MALRD1: variants seen among roughly 807,000 people sequenced by gnomAD.
MALRD1 encodes MAM and LDL receptor class A domain containing 1.
Under a neutral mutation model 242.1 loss-of-function variants are expected in MALRD1, and 247 were observed. The observed-to-expected ratio is 1.02, with a 90% CI of 0.92 to 1.13. MALRD1 has a LOEUF of 1.13. MALRD1 is among the 50% of genes most tolerant of loss of function. MALRD1 has a pLI of 0.00. For missense variants in MALRD1, 2,989 were observed against 2,533.1 expected (o/e 1.18, Z -3.86); for synonymous variants, 995 against 866.6 (o/e 1.15, Z -2.60).
At chr10:19,196,548 T>G (rs75215399) in intron 14 of MALRD1, among the ~76,000 whole-genome samples, 13,430 of 151,574 alleles carry the variant, frequency 0.089, 731 homozygotes, top group East Asian at 0.18. Context: ...TTTTTTTTTT[T>G]TTTTCTCCTA....
chr10:19,216,114 TCTTTC>T (rs1226438915), intron 18 of MALRD1, among the ~76,000 whole-genome samples: 2 of 119,384 alleles, frequency 1.7e-5, no homozygotes, highest in Non-Finnish European at 3.8e-5. Flanking sequence ...TTTCTTTCTT[TCTTTC>T]TTTTTTTTTT....
chr10:19,692,866 A>G (rs1242917901), intron 38 of MALRD1, among the ~76,000 whole-genome samples: 2 of 30,984 alleles, frequency 6.5e-5, no homozygotes, highest in South Asian at 2.4e-3. Flanking sequence ...TATAGATGAA[A>G]TTATATATAT....
chr10:19,250,895 A>T (rs1839266322), intron 18 of MALRD1, among the ~76,000 whole-genome samples: 2 of 151,958 alleles, frequency 1.3e-5, no homozygotes, highest in South Asian at 4.1e-4. Context: ...GTAAGTAAAA[A>T]AACATGTCTG....
At chr10:19,065,047 G>A (rs1834929789) in intron 1 of MALRD1, among the ~76,000 whole-genome samples, 1 of 151,978 alleles carries the variant, frequency 6.6e-6, no homozygotes, top group African/African-American at 2.4e-5. Flanking sequence ...CAGCACTTTG[G>A]GAGGCCGAGG....
intron 29 of MALRD1, among the ~76,000 whole-genome samples, chr10:19,482,097 TATTCTCGTTTAGAA>T (rs1837020232): frequency 1.3e-5 from 2 of 152,004 alleles, no homozygotes; most frequent in Non-Finnish European, 2.9e-5. Context: ...TTATTCTTAT[TATTCTCGTTTAGAA>T]ATCACATTAA....
At chr10:19,191,865 G>T (rs1835989976) in intron 14 of MALRD1, among the ~76,000 whole-genome samples, 1 of 152,036 alleles carries the variant, frequency 6.6e-6, no homozygotes, top group Non-Finnish European at 1.5e-5. Context: ...GGGAGTGGTG[G>T]TGTGCATCTG....
intron 18 of MALRD1, among the ~76,000 whole-genome samples, chr10:19,230,430 G>T (rs368021297): frequency 7.7e-4 from 117 of 152,222 alleles, no homozygotes; most frequent in African/African-American, 2.7e-3. Flanking sequence ...GGAAGGTGAA[G>T]GGAAACCAGC....
chr10:19,325,704 A>G (rs565770651), intron 22 of MALRD1, among the ~76,000 whole-genome samples: 13 of 152,214 alleles, frequency 8.5e-5, no homozygotes, highest in African/African-American at 3.1e-4. Flanking sequence ...GCAGTTTTAG[A>G]GTAGGGCTAT....
chr10:19,440,468 A>G (rs1017233115), intron 28 of MALRD1, among the ~76,000 whole-genome samples: 2 of 151,866 alleles, frequency 1.3e-5, no homozygotes, highest in Non-Finnish European at 2.9e-5. Context: ...TACATTAGGT[A>G]TTTCTCCTAA....
chr10:19,098,401 T>G (rs1038864265), intron 4 of MALRD1, among the ~76,000 whole-genome samples: 1 of 152,290 alleles, frequency 6.6e-6, no homozygotes, highest in East Asian at 1.9e-4. Context: ...AGAATAGAAT[T>G]TATTAATAAA....
intron 32 of MALRD1, among the ~76,000 whole-genome samples, chr10:19,532,928 G>T (rs1834489612): frequency 6.6e-6 from 1 of 152,160 alleles, no homozygotes; most frequent in Admixed American, 6.5e-5. Flanking sequence ...ATTTTATCCA[G>T]TGTAATTTAT....
At chr10:19,452,686 G>T (rs1835394488) in intron 29 of MALRD1, among the ~76,000 whole-genome samples, 1 of 152,162 alleles carries the variant, frequency 6.6e-6, no homozygotes, top group Admixed American at 6.5e-5. Context: ...TTAGCTTTAT[G>T]CAGGTGAAAT....
At chr10:19,344,573 G>A (rs1323862766) in intron 24 of MALRD1, among the ~76,000 whole-genome samples, 2 of 152,008 alleles carry the variant, frequency 1.3e-5, no homozygotes, top group African/African-American at 4.8e-5. Context: ...CTTGAAATCA[G>A]TTAGATTAAT....
chr10:19,486,742 A>T (rs1254567071), intron 29 of MALRD1, among the ~76,000 whole-genome samples: 1 of 152,164 alleles, frequency 6.6e-6, no homozygotes, highest in African/African-American at 2.4e-5. Context: ...CATAAATATT[A>T]TCTATATAAT....
intron 36 of MALRD1, among the ~76,000 whole-genome samples, chr10:19,655,125 T>G (rs1041461118): frequency 6.6e-6 from 1 of 152,214 alleles, no homozygotes; most frequent in Admixed American, 6.6e-5. Context: ...GCAAAGGTTA[T>G]AGAAACTGCA....
Position 19,236,773 on chromosome 10 carries a change from A to G in MALRD1, c.2992-20911A>G, listed in dbSNP as rs556517237. Among the ~76,000 whole-genome samples the G allele has an allele frequency of 4.0e-4, 61 of 152,210 alleles. 1 individual carries two copies. In the South Asian group the frequency reaches 0.011, roughly 27 times the overall value. ...TACGTTTTTCATTTTTATAAGCTTC[A>G]TCTAAAAGCAGAGTTCACCTAAGAA... On this transcript the variant is annotated intron_variant, in intron 18 of 39. Coordinates refer to ENST00000454679, the MANE Select transcript of MALRD1 (RefSeq NM_001142308.3).
intron 26 of MALRD1, 78 bp from the exon 27 acceptor site, chr10:19,387,450 C>G: frequency 2.8e-6 from 4 of 1,438,688 alleles, no homozygotes; most frequent in Non-Finnish European, 3.7e-6. Flanking sequence ...TAAAATGAAT[C>G]CACTCTTACT....
chr10:19,619,787 C>A (rs905515015), intron 36 of MALRD1, among the ~76,000 whole-genome samples: 4 of 151,902 alleles, frequency 2.6e-5, no homozygotes, highest in African/African-American at 7.3e-5. Context: ...TTCAAGATAT[C>A]AAAACTAAAT....
In MALRD1 at chr10:19,263,811, G is replaced by T. The variant is rs372397859; in HGVS notation, c.3079+6040G>T. Among the ~76,000 whole-genome samples the T allele has an allele frequency of 3.9e-5, 6 of 152,104 alleles. No homozygotes were observed. The East Asian group carries it at 9.6e-4, about 24-fold the overall frequency. On this transcript the variant is annotated intron_variant, in intron 19 of 39. Coordinates refer to ENST00000454679, the MANE Select transcript of MALRD1 (RefSeq NM_001142308.3). ...GGTCCATGTTTCTGCTTTTATGCAA[G>T]TACCATGATGTTGTGATTACTACAG...
Sources: allele counts gnomAD v4.1 joint callset (sites outside exome capture counted in the v4.1 genomes callset), GRCh38; gene constraint gnomAD v4.1.1; transcripts MANE v1.5; gene names NCBI Gene and HGNC (gene_info 2026-07-23, HGNC 2026-07-21).